Variants in PLXDC2 observed in about 807,000 individuals in gnomAD.
PLXDC2 encodes the protein plexin domain containing 2, also known as plexin domain-containing protein 2.
PLXDC2 carries 40 observed loss-of-function variants against 68.9 expected under a neutral mutation model. That is an observed-to-expected ratio of 0.58 (90% CI 0.45 to 0.76). The LOEUF (loss-of-function observed/expected upper bound fraction) is 0.76. Among genes scored for constraint, PLXDC2 ranks in the 30% least tolerant of loss-of-function variants. PLXDC2 has a pLI of 0.00. For synonymous variants in PLXDC2, 243 were observed against 234.2 expected, an observed-to-expected ratio of 1.04 and a Z score of -0.34; for missense variants, 644 against 661.9, an observed-to-expected ratio of 0.97 and a Z score of 0.30.
At chr10:19,943,646 T>A (rs1330897263) in intron 1 of PLXDC2, among the ~76,000 whole-genome samples, 1 of 152,226 alleles carries the variant, frequency 6.6e-6, no homozygotes, top group Non-Finnish European at 1.5e-5. Context: ...TCACACACTT[T>A]GCTGAATATT....
At chr10:19,966,771 G>A (rs1045309198) in intron 1 of PLXDC2, among the ~76,000 whole-genome samples, 11 of 151,590 alleles carry the variant, frequency 7.3e-5, no homozygotes, top group African/African-American at 2.7e-4. Flanking sequence ...CATAATTTGA[G>A]AACAGGCCTC....
intron 1 of PLXDC2, among the ~76,000 whole-genome samples, chr10:19,840,738 C>G (rs969318756): frequency 6.6e-6 from 1 of 151,964 alleles, no homozygotes; most frequent in African/African-American, 2.4e-5. Flanking sequence ...CTGGCCTATC[C>G]TCATTATTGC....
chr10:19,919,595 T>C (rs979146476), intron 1 of PLXDC2, among the ~76,000 whole-genome samples: 7 of 152,248 alleles, frequency 4.6e-5, no homozygotes, highest in Non-Finnish European at 1.0e-4. Context: ...GCAATATGTA[T>C]TGTCCTCACA....
At chr10:20,179,872 C>G (rs920984429) in intron 9 of PLXDC2, among the ~76,000 whole-genome samples, 8 of 152,012 alleles carry the variant, frequency 5.3e-5, no homozygotes, top group Admixed American at 1.3e-4. Context: ...GGTCTCATAG[C>G]TCATAAGTGA....
intron 1 of PLXDC2, among the ~76,000 whole-genome samples, chr10:19,861,367 G>C (rs1198009687): frequency 2.0e-5 from 3 of 151,508 alleles, no homozygotes; most frequent in African/African-American, 7.3e-5. Context: ...GTAACCTCTT[G>C]GCCAGACACT....
intron 1 of PLXDC2, among the ~76,000 whole-genome samples, chr10:19,891,884 T>G (rs2131360505): frequency 6.6e-6 from 1 of 152,330 alleles, no homozygotes; most frequent in African/African-American, 2.4e-5. Flanking sequence ...TGGATTTTTG[T>G]TTTTACAGAA....
chr10:20,200,471 C>T (rs1040248726), intron 9 of PLXDC2, among the ~76,000 whole-genome samples: 3 of 151,830 alleles, frequency 2.0e-5, no homozygotes, highest in Non-Finnish European at 4.4e-5. Flanking sequence ...TGCATAAAAC[C>T]GTGTAATGGG....
intron 2 of PLXDC2, among the ~76,000 whole-genome samples, chr10:20,045,145 C>A (rs1236522507): frequency 6.6e-6 from 1 of 152,094 alleles, no homozygotes; most frequent in African/African-American, 2.4e-5. Context: ...AATTTGTGTT[C>A]CATACCCAGA....
chr10:20,146,821 A>G (rs897286665), intron 5 of PLXDC2, among the ~76,000 whole-genome samples: 3 of 152,124 alleles, frequency 2.0e-5, no homozygotes, highest in Non-Finnish European at 4.4e-5. Flanking sequence ...AGTTACTGAA[A>G]ATTAATTCTT....
chr10:20,112,348 A>AT (rs1478423843), intron 4 of PLXDC2, among the ~76,000 whole-genome samples: 3 of 152,090 alleles, frequency 2.0e-5, no homozygotes, highest in Non-Finnish European at 2.9e-5. Flanking sequence ...GAAAAAAAAA[A>AT]AAAAGGTTCT....
chr10:20,249,095 A>G (rs948406413), intron 13 of PLXDC2, among the ~76,000 whole-genome samples: 1 of 152,222 alleles, frequency 6.6e-6, no homozygotes, highest in Non-Finnish European at 1.5e-5. Flanking sequence ...TTTCACTGTA[A>G]TACAAATAGG....
chr10:19,971,128 T>C (rs942266746), intron 1 of PLXDC2, among the ~76,000 whole-genome samples: 1 of 152,120 alleles, frequency 6.6e-6, no homozygotes, highest in Admixed American at 6.6e-5. Flanking sequence ...ATACAGCCCG[T>C]TGGTGATTAT....
intron 6 of PLXDC2, among the ~76,000 whole-genome samples, chr10:20,149,199 T>C (rs1399515851): frequency 6.7e-6 from 1 of 149,518 alleles, no homozygotes; most frequent in Non-Finnish European, 1.5e-5. Context: ...TTGGATTCAA[T>C]AGTTATTTTT....
chr10:20,191,212 T>G (rs1187865856), intron 9 of PLXDC2, among the ~76,000 whole-genome samples: 3 of 151,834 alleles, frequency 2.0e-5, no homozygotes, highest in African/African-American at 7.3e-5. Context: ...AGGTCAACAT[T>G]TTAATTTTCT....
intron 4 of PLXDC2, among the ~76,000 whole-genome samples, chr10:20,133,389 TA>T (rs1350913997): frequency 6.6e-6 from 1 of 152,202 alleles, no homozygotes; most frequent in Non-Finnish European, 1.5e-5. Flanking sequence ...GAGGTAGTCC[TA>T]ATGGTGATGA....
chr10:20,100,534 C>T (rs1833409248), intron 4 of PLXDC2, among the ~76,000 whole-genome samples: 1 of 152,082 alleles, frequency 6.6e-6, no homozygotes, highest in South Asian at 2.1e-4. Context: ...TCAGAAGACA[C>T]TGAATTTAAT....
chr10:19,822,079 C>G (rs1836476901), intron 1 of PLXDC2, among the ~76,000 whole-genome samples: 1 of 151,718 alleles, frequency 6.6e-6, no homozygotes, highest in Non-Finnish European at 1.5e-5. Context: ...TTCATCCATG[C>G]TATCACAAAT....
At chr10:19,900,332 T>G (rs1187248783) in intron 1 of PLXDC2, among the ~76,000 whole-genome samples, 3 of 152,116 alleles carry the variant, frequency 2.0e-5, no homozygotes, top group African/African-American at 2.4e-5. Flanking sequence ...AAACAATCAG[T>G]TAGTCAAGTT....
rs1383289824 is a variant in PLXDC2, at chr10:20,146,362, C to T, written c.665-1422C>T. Among the ~76,000 whole-genome samples the T allele has an allele frequency of 2.0e-5, 3 of 148,094 alleles. No homozygotes were observed. In the Admixed American group the frequency reaches 2.0e-4, roughly 10 times the overall value. On this transcript the variant is annotated intron_variant, in intron 5 of 13. Coordinates refer to ENST00000377252, the MANE Select transcript of PLXDC2 (RefSeq NM_032812.9). ...TTCTCTTCCTTCTTTCTTTTCTTTTCTCCTTCCTTCCTCCCTCCCTCCTTT... is the reference window on the plus strand; with the variant it reads ...TTCTCTTCCTTCTTTCTTTTCTTTTTTCCTTCCTTCCTCCCTCCCTCCTTT...
Sources: allele counts gnomAD v4.1 joint callset (sites outside exome capture counted in the v4.1 genomes callset), GRCh38; gene constraint gnomAD v4.1.1; transcripts MANE v1.5; gene names NCBI Gene and HGNC (gene_info 2026-07-23, HGNC 2026-07-21).